Variants in DOCK8 observed in about 807,000 individuals in gnomAD.
DOCK8 encodes the protein dedicator of cytokinesis protein 8.
In DOCK8, 141 loss-of-function variants were observed where a neutral mutation model predicts 245.6. The observed-to-expected ratio is 0.57, with a 90% CI of 0.50 to 0.66. The LOEUF is 0.66. Among genes scored for constraint, DOCK8 ranks in the 30% least tolerant of loss-of-function variants. DOCK8 has a pLI of 0.00. For synonymous variants in DOCK8, 1,168 were observed against 970.2 expected, an observed-to-expected ratio of 1.20 and a Z score of -3.79; for missense variants, 2,965 against 2,603.4, an observed-to-expected ratio of 1.14 and a Z score of -3.02.
At chr9:247,201 A>G (rs2047526034) in intron 1 of DOCK8, among the ~76,000 whole-genome samples, 1 of 152,246 alleles carries the variant, frequency 6.6e-6, no homozygotes, top group African/African-American at 2.4e-5. Context: ...CCTGATACAC[A>G]GAAAGAAATG....
chr9:342,762 C>T (rs1367445806), intron 14 of DOCK8, among the ~76,000 whole-genome samples: 2 of 152,146 alleles, frequency 1.3e-5, no homozygotes, highest in Non-Finnish European at 2.9e-5. Context: ...GCCACCATGC[C>T]CATCCTGTTA....
intron 18 of DOCK8, among the ~76,000 whole-genome samples, chr9:374,529 A>AGTG (rs2053441745): frequency 1.5e-5 from 2 of 136,164 alleles, no homozygotes; most frequent in African/African-American, 5.6e-5. Context: ...TGGCGTGATC[A>AGTG]CAGCTCACTG....
chr9:325,623 A>G (rs1456712768), intron 7 of DOCK8, 48 bp from the exon 8 acceptor site: 2 of 1,544,542 alleles, frequency 1.3e-6, no homozygotes, highest in Middle Eastern at 3.4e-4. Flanking sequence ...GAAAATTCAA[A>G]ATTATCTAAC....
intron 10 of DOCK8, among the ~76,000 whole-genome samples, chr9:333,729 C>G (rs529704215): frequency 2.7e-5 from 4 of 150,396 alleles, no homozygotes; most frequent in Non-Finnish European, 4.4e-5. Context: ...GTCTTTTATT[C>G]TGAACTCAGA....
At chr9:411,454 C>T (rs900787952) in intron 28 of DOCK8, among the ~76,000 whole-genome samples, 33 of 151,958 alleles carry the variant, frequency 2.2e-4, no homozygotes, top group African/African-American at 8.0e-4. Flanking sequence ...AAATTTAAAA[C>T]TTCCTACAAT....
intron 29 of DOCK8, among the ~76,000 whole-genome samples, chr9:415,627 A>G (rs114803071): frequency 0.011 from 1,699 of 152,076 alleles, 34 homozygotes; most frequent in African/African-American, 0.038. Context: ...TGTTGACCTG[A>G]GAAAGGCAGT....
chr9:337,913 G>A (rs2051392770), intron 12 of DOCK8, among the ~76,000 whole-genome samples: 1 of 152,206 alleles, frequency 6.6e-6, no homozygotes, highest in African/African-American at 2.4e-5. Context: ...CCCAGCACTG[G>A]GAGGCCGAGG....
Position 452,120 on chromosome 9 carries a change from A to G in DOCK8, c.6068+3A>G. 6.3e-7 allele frequency: 1 copy of G among 1,595,486 alleles called. No individual in the cohort carries two copies. Among genetic ancestry groups the G allele is most frequent in the South Asian group, 1.1e-5 (1 of 90,430 alleles). ...TGCTTTAAGGAATTCATCATGAGGTAAGAAGGAAAATGGCTGGGAATTTCA... is the reference window on the plus strand; with the variant it reads ...TGCTTTAAGGAATTCATCATGAGGTGAGAAGGAAAATGGCTGGGAATTTCA... On this transcript the variant is annotated splice_donor_region_variant and intron_variant, in intron 46 of 47. Coordinates refer to ENST00000432829, the MANE Select transcript of DOCK8 (RefSeq NM_203447.4).
At chr9:384,675 C>T (rs557241895) in intron 22 of DOCK8, among the ~76,000 whole-genome samples, 1 of 152,102 alleles carries the variant, frequency 6.6e-6, no homozygotes, top group African/African-American at 2.4e-5. Context: ...CCAGCACTTT[C>T]GGAGGCTGAG....
intron 26 of DOCK8, among the ~76,000 whole-genome samples, chr9:400,953 C>CCACCACCACCAT (rs1564016746): frequency 1.5e-5 from 1 of 67,980 alleles, no homozygotes; most frequent in Admixed American, 1.6e-4. Context: ...ACCATCACCA[C>CCACCACCACCAT]CACCACCACC....
At chr9:432,536 A>G (rs376766355) in intron 37 of DOCK8, among the ~76,000 whole-genome samples, 2 of 152,162 alleles carry the variant, frequency 1.3e-5, no homozygotes, top group African/African-American at 2.4e-5. Flanking sequence ...CTAACAGTCT[A>G]TTTGGAGTGC....
chr9:235,640 G>A (rs13291704), intron 1 of DOCK8, among the ~76,000 whole-genome samples: 9,902 of 152,304 alleles, frequency 0.065, 328 homozygotes, highest in African/African-American at 0.086. Context: ...CCGCCTTGCA[G>A]TTTGATCTCA....
At chr9:305,987 A>G (rs2049810248) in intron 5 of DOCK8, among the ~76,000 whole-genome samples, 1 of 152,174 alleles carries the variant, frequency 6.6e-6, no homozygotes, top group Non-Finnish European at 1.5e-5. Context: ...TCCCAAGATG[A>G]ACAGCATTAT....
At chr9:358,575 G>A (rs1398731362) in intron 14 of DOCK8, among the ~76,000 whole-genome samples, 2 of 152,186 alleles carry the variant, frequency 1.3e-5, no homozygotes, top group African/African-American at 4.8e-5. Flanking sequence ...CAGGCCAGGT[G>A]CGGTGGCTCA....
intron 29 of DOCK8, among the ~76,000 whole-genome samples, chr9:417,357 C>G (rs1167606863): frequency 2.6e-5 from 4 of 152,308 alleles, no homozygotes; most frequent in South Asian, 2.1e-4. Context: ...GTTATTTACA[C>G]TCAAATTTTT....
intron 24 of DOCK8, among the ~76,000 whole-genome samples, chr9:394,999 G>A (rs867880930): frequency 7.9e-5 from 12 of 152,330 alleles, no homozygotes; most frequent in Middle Eastern, 6.8e-3. Flanking sequence ...TTAGTGCTGG[G>A]ATGGTTAGCC....
At chr9:283,351 A>C (rs1424836277) in intron 2 of DOCK8, among the ~76,000 whole-genome samples, 4 of 152,164 alleles carry the variant, frequency 2.6e-5, no homozygotes, top group Non-Finnish European at 5.9e-5. Flanking sequence ...TCCACACCTG[A>C]CCTCACGTGA....
At chr9:281,229 C>G (rs1267388406) in intron 2 of DOCK8, among the ~76,000 whole-genome samples, 1 of 150,768 alleles carries the variant, frequency 6.6e-6, no homozygotes, top group Admixed American at 6.6e-5. Flanking sequence ...AGTCCAGCAA[C>G]GGAGTGAGAC....
At chr9:222,627 G>A (rs1012123016) in intron 1 of DOCK8, among the ~76,000 whole-genome samples, 1 of 152,144 alleles carries the variant, frequency 6.6e-6, no homozygotes, top group African/African-American at 2.4e-5. Flanking sequence ...GTCAGAGAGT[G>A]AACTCTGAAG....
Sources: gnomAD v4.1 joint callset for allele counts (sites outside exome capture counted in the v4.1 genomes callset) on GRCh38, gnomAD v4.1.1 for gene constraint, MANE v1.5 for transcripts, NCBI Gene and HGNC (gene_info 2026-07-23, HGNC 2026-07-21) for gene names.